SIRPA: variants seen among roughly 807,000 people sequenced by gnomAD.
The protein encoded by SIRPA is signal regulatory protein alpha.
A neutral mutation model predicts 50.3 loss-of-function variants in SIRPA; 9 were observed. The ratio of observed to expected loss-of-function variants is 0.18; its 90% CI spans 0.11 to 0.31. SIRPA has a LOEUF of 0.31. Ranked by LOEUF, SIRPA falls within the 10% of genes least tolerant of loss-of-function variation. The pLI is 1.00. For synonymous variants in SIRPA, 265 were observed against 284.1 expected (o/e 0.93, Z 0.68); for missense variants, 474 against 661.6 (o/e 0.72, Z 3.11).
chr20:1,922,876 A>G (rs1233104265), intron 4 of SIRPA, among the ~76,000 whole-genome samples: 1 of 152,226 alleles, frequency 6.6e-6, no homozygotes, highest in Non-Finnish European at 1.5e-5. Flanking sequence ...TTTATATCAC[A>G]GGAGGAAAGA....
chr20:1,912,105 G>A (rs1487623426), intron 1 of SIRPA, among the ~76,000 whole-genome samples: 1 of 152,156 alleles, frequency 6.6e-6, no homozygotes, highest in Non-Finnish European at 1.5e-5. Context: ...TCGGTGGAGA[G>A]AGCTCGAGAG....
intron 5 of SIRPA, among the ~76,000 whole-genome samples, chr20:1,925,841 G>C (rs1268168302): frequency 6.6e-6 from 1 of 152,162 alleles, no homozygotes; most frequent in Non-Finnish European, 1.5e-5. Flanking sequence ...ACAATTTTAA[G>C]CTGGTATTTC....
intron 1 of SIRPA, among the ~76,000 whole-genome samples, chr20:1,901,727 C>T (rs972053048): frequency 6.6e-6 from 1 of 152,192 alleles, no homozygotes; most frequent in African/African-American, 2.4e-5. Flanking sequence ...GGAAATGCTG[C>T]AGAATTGGTT....
In SIRPA at chr20:1,895,498, G is replaced by A. The variant is rs923654765; in HGVS notation, c.51G>A (p.Leu17=). 2.1e-6 allele frequency: 3 copies of A among 1,460,290 alleles called. No individual in the cohort carries two copies. Among genetic ancestry groups the A allele is most frequent in the Non-Finnish European group, 1.8e-6 (2 of 1,109,466 alleles). The allele number at this position is 1,460,290 out of a possible 1,614,324, so 90.5% of individuals were successfully genotyped here. A position where few individuals can be genotyped will look rare whatever the true frequency, so the allele number is the denominator to read the frequency against. Residue 17 remains leucine (L), a synonymous_variant, in exon 1 of 8, where the codon CTG becomes CTA. Coordinates refer to ENST00000358771, the MANE Select transcript of SIRPA (RefSeq NM_001040023.2). The stretch of plus-strand genomic sequence containing the variant: ...GCCGCCTCGGGCCGCTGCTCTGCCT[G>A]CTGCTCGCCGCGTCCTGCGCCTGGT... ...APGRLGPLLC[L]LLAASCAWSG...
In SIRPA at chr20:1,932,804, GA is replaced by G. The variant is rs1474284315; in HGVS notation, c.1227-1910del. On this transcript the variant is annotated intron_variant, in intron 6 of 7. Coordinates refer to ENST00000358771, the MANE Select transcript of SIRPA (RefSeq NM_001040023.2). The surrounding 1 kb of genome is among the most constrained non-coding windows in gnomAD (Gnocchi z 6.0). The stretch of plus-strand genomic sequence containing the variant: ...ACGAGCCCTAGGTTGGATTAGATGA[GA>G]GCTGTAAAGGAAGAGAGAGAAGAAT... Among the ~76,000 whole-genome samples the G allele has an allele frequency of 6.6e-6, 1 of 152,190 alleles. No individual in the cohort carries two copies. Among genetic ancestry groups the G allele is most frequent in the East Asian group, 1.9e-4 (1 of 5,174 alleles).
Position 1,938,388 on chromosome 20 carries a change from T to A in SIRPA, c.*820T>A, listed in dbSNP as rs191370436. 1 of 152,834 alleles carries A rather than the reference T, an allele frequency of 6.5e-6. No individual in the cohort carries two copies. The highest frequency in any genetic ancestry group is 6.5e-5 in the Admixed American group (1 of 15,302). 9.5% of individuals were successfully genotyped at this position (152,834 alleles called of 1,614,324 possible). A position where few individuals can be genotyped will look rare whatever the true frequency, so the allele number is the denominator to read the frequency against. On this transcript the variant is annotated 3_prime_UTR_variant, in exon 8 of 8. Transcript: ENST00000358771. ...ACTGAGAAATGTGAAACGTGCAATC[T>A]TGAAACTGAGGTGTTAGAAAACTTG...
At position 1,918,360 on chromosome 20, in the gene SIRPA, C is replaced by CCTTTTTTT. The variant is rs745958149; in HGVS notation, c.436+2905_436+2906insCTTTTTTT. On this transcript the variant is annotated intron_variant, in intron 2 of 7. Transcript: ENST00000358771. The stretch of plus-strand genomic sequence containing the variant: ...ACAGGGGCACCCACCACCACACCAG[C>CCTTTTTTT]TTTTTTTTTTTTTTTTTTTTTTTGT... Among the ~76,000 whole-genome samples the CCTTTTTTT allele has an allele frequency of 7.8e-4, 75 of 95,688 alleles. 5 individuals are homozygous for CCTTTTTTT. The highest frequency in any genetic ancestry group is 1.4e-3 in the African/African-American group (33 of 24,208). 62.8% of individuals were successfully genotyped at this position (95,688 alleles called of 152,430 possible). A position where few individuals can be genotyped will look rare whatever the true frequency, so the allele number is the denominator to read the frequency against.
At chr20:1,915,880 G>A (rs984531675) in intron 2 of SIRPA, among the ~76,000 whole-genome samples, 9 of 152,210 alleles carry the variant, frequency 5.9e-5, no homozygotes, top group African/African-American at 1.4e-4. Flanking sequence ...GCCAGGCTCC[G>A]CCAAGCTTGT....
Position 1,928,193 on chromosome 20 carries a change from C to G in SIRPA, c.1226+294C>G, listed in dbSNP as rs762524347. On this transcript the variant is annotated intron_variant, in intron 6 of 7. Coordinates refer to ENST00000358771, the MANE Select transcript of SIRPA (RefSeq NM_001040023.2). The surrounding 1 kb of genome is among the most constrained non-coding windows in gnomAD (Gnocchi z 4.9). ...GCAGAGACCTCCCGGGCTTTCTGTC[C>G]TCACAGACATCCTGCACACGCCACC... 6.6e-6 allele frequency among the ~76,000 whole-genome samples: 1 copy of G among 152,202 alleles called. No individual in the cohort carries two copies. The highest frequency in any genetic ancestry group is 1.5e-5 in the Non-Finnish European group (1 of 68,034).
At chr20:1,908,156 C>T (rs1984657760) in intron 1 of SIRPA, among the ~76,000 whole-genome samples, 2 of 152,154 alleles carry the variant, frequency 1.3e-5, no homozygotes, top group African/African-American at 4.8e-5. Flanking sequence ...CTCCATCACC[C>T]TTGTGCTTGT....
At chr20:1,921,372 G>C (rs1164863243) in intron 2 of SIRPA, 23 bp from the exon 3 acceptor site, 46 of 1,611,466 alleles carry the variant, frequency 2.9e-5, no homozygotes, top group Non-Finnish European at 3.9e-5. Flanking sequence ...CATGTCTCCT[G>C]ATTATCGATG....
intron 2 of SIRPA, among the ~76,000 whole-genome samples, chr20:1,918,766 C>G (rs184610506): frequency 6.6e-6 from 1 of 152,038 alleles, no homozygotes; most frequent in African/African-American, 2.4e-5. Flanking sequence ...GATTGCCAAC[C>G]CTCACAGGTT....
In SIRPA at chr20:1,937,616, C is replaced by CGG. The variant is rs1568517593; in HGVS notation, c.*48_*49insGG. 3.8e-6 allele frequency: 6 copies of CGG among 1,595,018 alleles called. No homozygotes were observed. Among genetic ancestry groups the CGG allele is most frequent in the Non-Finnish European group, 4.3e-6 (5 of 1,168,048 alleles). On this transcript the variant is annotated 3_prime_UTR_variant, in exon 8 of 8. Coordinates refer to ENST00000358771, the MANE Select transcript of SIRPA (RefSeq NM_001040023.2). The surrounding 1 kb of genome is among the most constrained non-coding windows in gnomAD (Gnocchi z 8.3). ...CACCCATCTCTACGCGCTTTCTTGT[C>CGG]CCACAGGGAGCCGCCGTGATGAGCA...
At position 1,933,611 on chromosome 20, in the gene SIRPA, C is replaced by T. The variant is rs963234928; in HGVS notation, c.1227-1104C>T. ...GTGATCTTCCCCAGCAGACGTGCCC[C>T]TGCTCCTGGAGGGTTCTTTCTGTGG... is the stretch of plus-strand genomic sequence containing the variant. On this transcript the variant is annotated intron_variant, in intron 6 of 7. Coordinates refer to ENST00000358771, the MANE Select transcript of SIRPA (RefSeq NM_001040023.2). The surrounding 1 kb of genome is among the most constrained non-coding windows in gnomAD (Gnocchi z 4.4). 8.5e-5 allele frequency among the ~76,000 whole-genome samples: 13 copies of T among 152,198 alleles called. No individual in the cohort carries two copies. Among genetic ancestry groups the T allele is most frequent in the Non-Finnish European group, 1.9e-4 (13 of 68,044 alleles).
chr20:1,903,011 C>CAAAAAAAAAAA (rs58735842), intron 1 of SIRPA, among the ~76,000 whole-genome samples: 10 of 90,878 alleles, frequency 1.1e-4, no homozygotes, highest in African/African-American at 3.8e-4. Context: ...GACTCTGTCT[C>CAAAAAAAAAAA]AAAAAAAAAA....
chr20:1,904,996 C>T (rs1243946609), intron 1 of SIRPA, among the ~76,000 whole-genome samples: 1 of 152,168 alleles, frequency 6.6e-6, no homozygotes, highest in Admixed American at 6.5e-5. Flanking sequence ...TCCGTTTCCC[C>T]ATCTGCAAAA....
chr20:1,933,410 C>T lies in SIRPA; in HGVS notation c.1227-1305C>T, dbSNP rs1239793813. ...CATAACATCAAATGCCACCCCCCCC[C>T]CGAAATATCTGGTGGGCAGATGAGT... is the stretch of plus-strand genomic sequence containing the variant. On this transcript the variant is annotated intron_variant, in intron 6 of 7. Transcript: ENST00000358771. The surrounding 1 kb of genome is among the most constrained non-coding windows in gnomAD (Gnocchi z 4.4). Among the ~76,000 whole-genome samples, 1 of 151,856 alleles carries T rather than the reference C, an allele frequency of 6.6e-6. No individual in the cohort carries two copies. Among genetic ancestry groups the T allele is most frequent in the African/African-American group, 2.4e-5 (1 of 41,332 alleles).
chr20:1,911,220 A>G (rs1984868878), intron 1 of SIRPA, among the ~76,000 whole-genome samples: 2 of 152,138 alleles, frequency 1.3e-5, no homozygotes, highest in South Asian at 4.1e-4. Flanking sequence ...TCAATTTTTT[A>G]TTTTCATACA....
rs1986491732 is a variant in SIRPA at position 1,934,932 on chromosome 20, G to A, written c.1266+178G>A. Among the ~76,000 whole-genome samples the A allele has an allele frequency of 1.3e-5, 2 of 152,298 alleles. No homozygotes were observed. The highest frequency in any genetic ancestry group is 2.1e-4 in the South Asian group (1 of 4,822). ...TATTCCTTCTCTCTACTGCAGCCAA[G>A]AGTGGCTGTTGCAGCCTCATGACTC... On this transcript the variant is annotated intron_variant, in intron 7 of 7. Transcript: ENST00000358771. The surrounding 1 kb of genome is among the most constrained non-coding windows in gnomAD (Gnocchi z 4.6).
Sources: allele counts gnomAD v4.1 joint callset (sites outside exome capture counted in the v4.1 genomes callset), GRCh38; gene constraint gnomAD v4.1.1; non-coding constraint Gnocchi (gnomAD v3.1); transcripts MANE v1.5; gene names NCBI Gene and HGNC (gene_info 2026-07-23, HGNC 2026-07-21).